Variants in SULT1B1 observed in about 807,000 individuals in gnomAD.
SULT1B1 encodes the protein sulfotransferase family 1B member 1.
A neutral mutation model predicts 34.6 loss-of-function variants in SULT1B1; 28 were observed. The ratio of observed to expected loss-of-function variants is 0.81; its 90% confidence interval spans 0.60 to 1.11. SULT1B1 has a LOEUF of 1.11. Among genes scored for constraint, SULT1B1 ranks in the 50% least tolerant of loss-of-function variants. SULT1B1 has a pLI of 0.00. For synonymous variants in SULT1B1, 147 were observed against 110.2 expected (o/e 1.33, Z -2.09); for missense variants, 374 against 352.2 (o/e 1.06, Z -0.50).
Position 69,726,308 on chromosome 4 carries a change from AG to A in SULT1B1, c.*779del, listed in dbSNP as rs1717835487. Reference sequence around the variant, plus strand: ...TCCAAATATAAGATTAAGTAACTGAAGTTCCCAAATGGTGACCAGAACACAG... The same window carrying A: ...TCCAAATATAAGATTAAGTAACTGAATTCCCAAATGGTGACCAGAACACAG... On this transcript the variant is annotated 3_prime_UTR_variant, in exon 8 of 8. Coordinates refer to ENST00000310613, the MANE Select transcript of SULT1B1 (RefSeq NM_014465.4). 1 of 151,354 alleles carries A rather than the reference AG, an allele frequency of 6.6e-6. No homozygotes were observed. Among genetic ancestry groups the A allele is most frequent in the African/African-American group, 2.4e-5 (1 of 41,236 alleles). 9.4% of individuals were successfully genotyped at this position (151,354 alleles called of 1,614,324 possible).
chr4:69,744,239 C>A (rs1006005251), intron 4 of SULT1B1, among the ~76,000 whole-genome samples: 3 of 152,140 alleles, frequency 2.0e-5, no homozygotes, highest in African/African-American at 7.2e-5. Context: ...CGGGGGAGTG[C>A]CAGGGGTGGA....
At chr4:69,746,705 T>C (rs1243494113) in intron 4 of SULT1B1, among the ~76,000 whole-genome samples, 1 of 152,226 alleles carries the variant, frequency 6.6e-6, no homozygotes, top group African/African-American at 2.4e-5. Flanking sequence ...ATTTCAACAA[T>C]TTCAATCTGG....
intron 4 of SULT1B1, among the ~76,000 whole-genome samples, chr4:69,736,273 G>A (rs1194659155): frequency 6.6e-6 from 1 of 152,192 alleles, no homozygotes; most frequent in Non-Finnish European, 1.5e-5. Flanking sequence ...TTGAAAGACA[G>A]TCTAAACCAC....
intron 1 of SULT1B1, among the ~76,000 whole-genome samples, chr4:69,757,327 T>G (rs1399301334): frequency 1.3e-5 from 2 of 152,204 alleles, no homozygotes; most frequent in Non-Finnish European, 2.9e-5. Flanking sequence ...GAAATCGCAT[T>G]GCTTCTAGTA....
Position 69,726,568 on chromosome 4 carries a change from T to A in SULT1B1, c.*520A>T, listed in dbSNP as rs1240411801. The stretch of plus-strand genomic sequence containing the variant: ...ACATGATCGGGGACATGAACTTTGT[T>A]ATCCAAATAGAGGCACTGCAGGAAG... On this transcript the variant is annotated 3_prime_UTR_variant, in exon 8 of 8. Coordinates refer to ENST00000310613, the MANE Select transcript of SULT1B1 (RefSeq NM_014465.4). 1 of 152,034 alleles carries A rather than the reference T, an allele frequency of 6.6e-6. No homozygotes were observed. The highest frequency in any genetic ancestry group is 1.5e-5 in the Non-Finnish European group (1 of 67,978). 9.4% of individuals were successfully genotyped at this position (152,034 alleles called of 1,614,324 possible).
intron 7 of SULT1B1, among the ~76,000 whole-genome samples, chr4:69,727,877 G>A (rs1717897271): frequency 6.6e-6 from 1 of 151,810 alleles, no homozygotes. Context: ...TATGTGTTTG[G>A]AAAATGAATA....
intron 1 of SULT1B1, chr4:69,758,587 G>A: frequency 2.0e-6 from 1 of 500,970 alleles, no homozygotes; most frequent in African/African-American, 2.1e-5. Flanking sequence ...GCTCCAGAAT[G>A]TAATGTTTAG....
At chr4:69,731,250 A>T (rs1190559077) in intron 6 of SULT1B1, among the ~76,000 whole-genome samples, 1 of 152,156 alleles carries the variant, frequency 6.6e-6, no homozygotes, top group African/African-American at 2.4e-5. Flanking sequence ...GTGCCATTAG[A>T]TTCTCATAGG....
At chr4:69,745,985 A>G (rs922288374) in intron 4 of SULT1B1, among the ~76,000 whole-genome samples, 1 of 152,192 alleles carries the variant, frequency 6.6e-6, no homozygotes, top group Non-Finnish European at 1.5e-5. Context: ...ACTGGATATG[A>G]CATTCTTGGT....
In SULT1B1 at chr4:69,751,609, G is replaced by T. The variant is rs190326795; in HGVS notation, c.278-1791C>A. ...TGAGACTACCGGCGCCCGCCACCAC[G>T]CCCGGCTAATTTTTTGTATATTTTA... is the stretch of plus-strand genomic sequence containing the variant. On this transcript the variant is annotated intron_variant, in intron 3 of 7. Coordinates refer to ENST00000310613, the MANE Select transcript of SULT1B1 (RefSeq NM_014465.4). Among the ~76,000 whole-genome samples, 235 of 152,178 alleles carry T rather than the reference G, an allele frequency of 1.5e-3. 1 individual carries two copies. The highest frequency in any genetic ancestry group is 2.4e-3 in the Non-Finnish European group (160 of 68,006).
intron 7 of SULT1B1, among the ~76,000 whole-genome samples, chr4:69,728,576 G>T (rs1717930806): frequency 6.6e-6 from 1 of 151,804 alleles, no homozygotes; most frequent in Non-Finnish European, 1.5e-5. Context: ...TATTCATGAA[G>T]AAGTTTTTCT....
chr4:69,728,041 T>C (rs1418028481), intron 7 of SULT1B1, among the ~76,000 whole-genome samples: 1 of 151,990 alleles, frequency 6.6e-6, no homozygotes, highest in African/African-American at 2.4e-5. Flanking sequence ...ATAGATATGC[T>C]TTTTTCCCTA....
intron 1 of SULT1B1, among the ~76,000 whole-genome samples, chr4:69,759,824 T>C (rs1464396278): frequency 1.3e-5 from 2 of 152,218 alleles, no homozygotes; most frequent in African/African-American, 4.8e-5. Context: ...AGACTTCCTA[T>C]TTAAGATGAG....
intron 3 of SULT1B1, among the ~76,000 whole-genome samples, chr4:69,751,145 C>T (rs538838428): frequency 2.0e-5 from 3 of 152,198 alleles, no homozygotes; most frequent in Non-Finnish European, 1.5e-5. Context: ...AGGGATTTTA[C>T]TATGCCTCTA....
rs1718160304 is a variant in SULT1B1 at position 69,733,406 on chromosome 4, A to G, written c.597+7T>C. 1.3e-6 allele frequency: 2 copies of G among 1,577,032 alleles called. No homozygotes were observed. The highest frequency in any genetic ancestry group is 1.7e-6 in the Non-Finnish European group (2 of 1,158,858). On this transcript the variant is annotated splice_region_variant and intron_variant, in intron 6 of 7. Coordinates refer to ENST00000310613, the MANE Select transcript of SULT1B1 (RefSeq NM_014465.4). Reference sequence around the variant, plus strand: ...AAATTATCCAGAATCCATATCTACCATTTTACCTCTTTCATATCTTCATAG... The same window carrying G: ...AAATTATCCAGAATCCATATCTACCGTTTTACCTCTTTCATATCTTCATAG...
At chr4:69,733,105 A>C (rs1718147968) in intron 6 of SULT1B1, among the ~76,000 whole-genome samples, 1 of 152,174 alleles carries the variant, frequency 6.6e-6, no homozygotes, top group Non-Finnish European at 1.5e-5. Flanking sequence ...CAATGTTAAA[A>C]TATTAATGAG....
intron 1 of SULT1B1, among the ~76,000 whole-genome samples, chr4:69,758,941 G>C (rs920200833): frequency 6.6e-6 from 1 of 152,164 alleles, no homozygotes; most frequent in African/African-American, 2.4e-5. Flanking sequence ...TGGAAATGTG[G>C]AATCTCAGGT....
chr4:69,733,113 G>T (rs1025607924), intron 6 of SULT1B1, among the ~76,000 whole-genome samples: 3 of 152,098 alleles, frequency 2.0e-5, no homozygotes, highest in Non-Finnish European at 2.9e-5. Flanking sequence ...AAATATTAAT[G>T]AGTAGATATC....
Position 69,724,113 on chromosome 4 carries a change from T to C in SULT1B1, c.*2975A>G, listed in dbSNP as rs1717735076. The stretch of plus-strand genomic sequence containing the variant: ...CCTGTTTGCAGATGACATGATTGTA[T>C]ATGTAGAAAACCCCATTGTCTCAGC... On this transcript the variant is annotated 3_prime_UTR_variant, in exon 8 of 8. Coordinates refer to ENST00000310613, the MANE Select transcript of SULT1B1 (RefSeq NM_014465.4). The C allele has an allele frequency of 6.6e-6, 1 of 152,232 alleles. No homozygotes were observed. Among genetic ancestry groups the C allele is most frequent in the African/African-American group, 2.4e-5 (1 of 41,448 alleles). The allele number at this position is 152,232 out of a possible 1,614,324, so 9.4% of individuals were successfully genotyped here.
Sources: gnomAD v4.1 joint callset for allele counts (sites outside exome capture counted in the v4.1 genomes callset) on GRCh38, gnomAD v4.1.1 for gene constraint, MANE v1.5 for transcripts, NCBI Gene and HGNC (gene_info 2026-07-23, HGNC 2026-07-21) for gene names.